PCDHGB5: variants seen among roughly 807,000 people sequenced by gnomAD.
The protein encoded by PCDHGB5 is protocadherin gamma subfamily B, 5, also known as protocadherin gamma-B5.
In PCDHGB5, 48 loss-of-function variants were observed where a neutral mutation model predicts 62.9. The ratio of observed to expected loss-of-function variants is 0.76; its 90% CI spans 0.61 to 0.97. PCDHGB5 has a LOEUF of 0.97. Among genes scored for constraint, PCDHGB5 ranks in the 50% least tolerant of loss-of-function variants. The pLI, the probability that PCDHGB5 is intolerant of heterozygous loss-of-function variation, is 0.00. For missense variants in PCDHGB5, 1,118 were observed against 1,198.6 expected, an observed-to-expected ratio of 0.93 and a Z score of 0.99; for synonymous variants, 474 against 511.2, an observed-to-expected ratio of 0.93 and a Z score of 0.98.
intron 1 of PCDHGB5, chr5:141,419,742 T>C (rs1388509503): frequency 2.5e-5 from 41 of 1,613,742 alleles, no homozygotes; most frequent in Non-Finnish European, 3.5e-5. Context: ...GAGGTGCGCA[T>C]GGTGCGTGCT....
chr5:141,437,037 A>G (rs1410732155), intron 1 of PCDHGB5, among the ~76,000 whole-genome samples: 2 of 152,264 alleles, frequency 1.3e-5, no homozygotes, highest in Admixed American at 1.3e-4. Flanking sequence ...TGGATCACCG[A>G]AACCAGAAGG....
intron 1 of PCDHGB5, among the ~76,000 whole-genome samples, chr5:141,465,443 C>T (rs979024871): frequency 6.6e-6 from 1 of 152,158 alleles, no homozygotes; most frequent in Non-Finnish European, 1.5e-5. Flanking sequence ...AATGATTACC[C>T]AAGAAAACTC....
Position 141,399,765 on chromosome 5 carries a change from G to A in PCDHGB5, c.1638G>A (p.Val546=). The change falls in exon 1 of 4, where the codon GTG becomes GTA. Residue 546 remains valine, a synonymous_variant. Coordinates refer to ENST00000617380, the MANE Select transcript of PCDHGB5 (RefSeq NM_018925.3). The stretch of plus-strand genomic sequence containing the variant: ...TCAGCGCAAACGTGAGCCTGCGCGT[G>A]TTGGTGGGCGACCGAAACGACAACG... ...PALSANVSLR[V]LVGDRNDNAP... 6.2e-7 allele frequency: 1 copy of A among 1,613,356 alleles called. No homozygotes were observed. Among genetic ancestry groups the A allele is most frequent in the African/African-American group, 1.3e-5 (1 of 75,060 alleles).
chr5:141,458,463 C>T (rs749353395), intron 1 of PCDHGB5, among the ~76,000 whole-genome samples: 15 of 151,844 alleles, frequency 9.9e-5, no homozygotes, highest in Admixed American at 8.5e-4. Flanking sequence ...TTTAAAATAC[C>T]GTACAACTGC....
At chr5:141,406,083 T>C (rs539696065) in intron 1 of PCDHGB5, among the ~76,000 whole-genome samples, 2 of 151,900 alleles carry the variant, frequency 1.3e-5, no homozygotes, top group South Asian at 4.2e-4. Flanking sequence ...TTTTTTTTTT[T>C]TTTTAAGAGA....
chr5:141,477,532 C>A lies in PCDHGB5; in HGVS notation c.2398-17275C>A. 6.2e-7 allele frequency: 1 copy of A among 1,614,146 alleles called. No individual in the cohort carries two copies. The highest frequency in any genetic ancestry group is 8.5e-7 in the Non-Finnish European group (1 of 1,180,028). ...TTTACATTGAAGAAAACAACCTCCC[C>A]GGGGCTCCAATACTAAACCTAAGTG... On this transcript the variant is annotated intron_variant, in intron 1 of 3. Coordinates refer to ENST00000617380, the MANE Select transcript of PCDHGB5 (RefSeq NM_018925.3). The surrounding 1 kb of genome is among the most constrained non-coding windows in gnomAD (Gnocchi z 4.9).
At chr5:141,427,222 A>T (rs536161247) in intron 1 of PCDHGB5, 8 of 456,774 alleles carry the variant, frequency 1.8e-5, no homozygotes, top group Non-Finnish European at 3.5e-5. Flanking sequence ...CGTAGCAGTT[A>T]TACCATGAGA....
intron 2 of PCDHGB5, among the ~76,000 whole-genome samples, chr5:141,498,371 C>T (rs188547878): frequency 6.6e-6 from 1 of 151,838 alleles, no homozygotes; most frequent in Admixed American, 6.6e-5. Flanking sequence ...TGTGGTGAGG[C>T]CTCCTGGGAT....
At chr5:141,503,478 C>T (rs1249372985) in intron 2 of PCDHGB5, among the ~76,000 whole-genome samples, 3 of 151,680 alleles carry the variant, frequency 2.0e-5, no homozygotes, top group East Asian at 1.9e-4. Context: ...GTGCACTTGT[C>T]GTCCCAGCTG....
At chr5:141,505,567 T>A in intron 3 of PCDHGB5, 86 bp downstream of exon 3, 2 of 1,599,440 alleles carry the variant, frequency 1.3e-6, no homozygotes, top group Non-Finnish European at 1.7e-6. Context: ...ACGGACTGGA[T>A]GTCAAACCTG....
At chr5:141,481,649 C>G (rs1199734660) in intron 1 of PCDHGB5, among the ~76,000 whole-genome samples, 1 of 152,012 alleles carries the variant, frequency 6.6e-6, no homozygotes, top group African/African-American at 2.4e-5. Flanking sequence ...GAAACTTCAT[C>G]TCTACTAATA....
chr5:141,408,676 G>A (rs1315766272), intron 1 of PCDHGB5: 2 of 1,613,652 alleles, frequency 1.2e-6, no homozygotes, highest in Non-Finnish European at 1.7e-6. Flanking sequence ...ACCCTGCCAC[G>A]GATCCTGATA....
rs762414791 is a variant in PCDHGB5 at position 141,418,601 on chromosome 5, A to G, written c.2397+18077A>G. The G allele has an allele frequency of 3.5e-5, 57 of 1,613,930 alleles. No individual in the cohort carries two copies. The highest frequency in any genetic ancestry group is 1.7e-6 in the Non-Finnish European group (2 of 1,179,902). On this transcript the variant is annotated intron_variant, in intron 1 of 3. Coordinates refer to ENST00000617380, the MANE Select transcript of PCDHGB5 (RefSeq NM_018925.3). ...CCCAGTGTTCAGCCAGGACGTGTAC[A>G]GGGTTAGCCTTCGGGAAGACGTGCC...
At chr5:141,510,519 C>A (rs182721864) in intron 3 of PCDHGB5, among the ~76,000 whole-genome samples, 1 of 152,260 alleles carries the variant, frequency 6.6e-6, no homozygotes, top group East Asian at 1.9e-4. Context: ...CGTGTCACAG[C>A]CCTGAGAGAA....
At position 141,486,383 on chromosome 5, in the gene PCDHGB5, C is replaced by A. The variant is rs757384186; in HGVS notation, c.2398-8424C>A. On this transcript the variant is annotated intron_variant, in intron 1 of 3. Transcript: ENST00000617380. The surrounding 1 kb of genome is among the most constrained non-coding windows in gnomAD (Gnocchi z 5.0). ...TGCCCTCAAGTCTGCCTTCAGGAAC[C>A]AGTTCTCCCTGGTGACTGCTGGACC... The A allele has an allele frequency of 6.2e-7, 1 of 1,614,040 alleles. No homozygotes were observed. Among genetic ancestry groups the A allele is most frequent in the East Asian group, 2.2e-5 (1 of 44,884 alleles).
At chr5:141,468,737 G>A (rs1288031024) in intron 1 of PCDHGB5, among the ~76,000 whole-genome samples, 1 of 151,948 alleles carries the variant, frequency 6.6e-6, no homozygotes, top group African/African-American at 2.4e-5. Context: ...GTGGTGGCGG[G>A]TGCCTGTAGT....
At chr5:141,497,020 C>T (rs138768677) in intron 2 of PCDHGB5, among the ~76,000 whole-genome samples, 8 of 152,122 alleles carry the variant, frequency 5.3e-5, no homozygotes, top group African/African-American at 1.7e-4. Flanking sequence ...GAAACCCCAT[C>T]TCGATTAAAA....
intron 1 of PCDHGB5, chr5:141,428,181 AG>A (rs776102500): frequency 6.7e-7 from 1 of 1,486,230 alleles, no homozygotes; most frequent in Admixed American, 1.8e-5. Context: ...GACGGAGGAC[AG>A]CCGCCGCTCT....
chr5:141,433,358 C>CCTATCTAT (rs3074541), intron 1 of PCDHGB5: 29,853 of 503,480 alleles, frequency 0.059, 1,017 homozygotes, highest in East Asian at 0.071. Context: ...CTACTGTCTG[C>CCTATCTAT]CTATCTATCT....
Sources: allele counts gnomAD v4.1 joint callset (sites outside exome capture counted in the v4.1 genomes callset), GRCh38; gene constraint gnomAD v4.1.1; non-coding constraint Gnocchi (gnomAD v3.1); transcripts MANE v1.5; gene names NCBI Gene and HGNC (gene_info 2026-07-23, HGNC 2026-07-21).